The following PTPRD variants were observed in gnomAD, a reference collection of about 807,000 sequenced individuals.
PTPRD encodes the protein protein tyrosine phosphatase receptor type D.
PTPRD carries 34 observed loss-of-function variants against 214.5 expected under a neutral mutation model. That is an observed-to-expected ratio of 0.16 (90% CI 0.12 to 0.21). The LOEUF is 0.21. Ranked by LOEUF, PTPRD falls within the 10% of genes least tolerant of loss-of-function variation. The probability of loss-of-function intolerance (pLI) is 1.00; values close to 1 mark genes in which losing one functional copy is unlikely to be tolerated. For missense variants in PTPRD, 2,545 were observed against 2,398.7 expected, an observed-to-expected ratio of 1.06 and a Z score of -1.27; for synonymous variants, 1,128 against 845.7, an observed-to-expected ratio of 1.33 and a Z score of -5.79.
intron 8 of PTPRD, among the ~76,000 whole-genome samples, chr9:9,503,174 T>C (rs2096473280): frequency 6.6e-6 from 1 of 151,888 alleles, no homozygotes; most frequent in East Asian, 1.9e-4. Context: ...TGTAATTTTC[T>C]CTCAGATACT....
At chr9:9,797,745 G>T (rs570722721) in intron 5 of PTPRD, among the ~76,000 whole-genome samples, 103 of 152,202 alleles carry the variant, frequency 6.8e-4, no homozygotes, top group African/African-American at 1.0e-3. Context: ...ACTCGGGGGG[G>T]GCTGAGGCAG....
At chr9:9,341,293 A>G (rs2046699104) in intron 9 of PTPRD, among the ~76,000 whole-genome samples, 5 of 152,028 alleles carry the variant, frequency 3.3e-5, no homozygotes, top group Admixed American at 3.3e-4. Flanking sequence ...CCCTGAGATG[A>G]ATGTTACTTT....
At chr9:8,900,070 G>C (rs528520003) in intron 11 of PTPRD, among the ~76,000 whole-genome samples, 8 of 151,620 alleles carry the variant, frequency 5.3e-5, no homozygotes, top group Admixed American at 3.9e-4. Flanking sequence ...GCATTGTCAA[G>C]CTGAGTAATG....
intron 3 of PTPRD, among the ~76,000 whole-genome samples, chr9:10,229,446 C>T (rs1400100530): frequency 1.3e-5 from 2 of 152,022 alleles, no homozygotes. Context: ...AGACTTGGAA[C>T]CAACCCAAAT....
chr9:9,364,356 G>C (rs1287588268), intron 9 of PTPRD, among the ~76,000 whole-genome samples: 4 of 151,462 alleles, frequency 2.6e-5, no homozygotes, highest in Non-Finnish European at 4.4e-5. Context: ...CTAATGGAGG[G>C]AGTAAGACAC....
chr9:9,296,754 ATCCT>A (rs1381280508), intron 9 of PTPRD, among the ~76,000 whole-genome samples: 1 of 151,772 alleles, frequency 6.6e-6, no homozygotes, highest in Non-Finnish European at 1.5e-5. Flanking sequence ...TTTTTGTGTT[ATCCT>A]ACTGTTCCCT....
chr9:9,552,393 A>G (rs979285068), intron 8 of PTPRD, among the ~76,000 whole-genome samples: 4 of 152,064 alleles, frequency 2.6e-5, no homozygotes, highest in Non-Finnish European at 5.9e-5. Flanking sequence ...AAAACTTTCA[A>G]ACCTCTAAAA....
intron 8 of PTPRD, among the ~76,000 whole-genome samples, chr9:9,485,878 TG>T (rs1362865515): frequency 6.6e-6 from 1 of 151,778 alleles, no homozygotes; most frequent in East Asian, 1.9e-4. Flanking sequence ...TTGGGCCGGG[TG>T]GGGTGGCTCA....
chr9:8,600,299 C>G (rs988512377), intron 14 of PTPRD, among the ~76,000 whole-genome samples: 1 of 152,188 alleles, frequency 6.6e-6, no homozygotes, highest in Non-Finnish European at 1.5e-5. Context: ...CTGAAGCACT[C>G]TGAGGCCGTA....
At chr9:8,497,374 AT>A in intron 25 of PTPRD, 106 bp from the exon 26 acceptor site, 2 of 916,940 alleles carry the variant, frequency 2.2e-6, no homozygotes, top group Admixed American at 3.6e-5. Flanking sequence ...AATCAAAAAA[AT>A]AAAGCAGTGT....
chr9:8,790,123 C>T (rs933087710), intron 11 of PTPRD, among the ~76,000 whole-genome samples: 10 of 152,022 alleles, frequency 6.6e-5, no homozygotes, highest in Admixed American at 2.0e-4. Flanking sequence ...CTCAAGCAAT[C>T]CTCCCGCCTT....
intron 12 of PTPRD, among the ~76,000 whole-genome samples, chr9:8,688,904 A>T (rs2097749095): frequency 6.6e-6 from 1 of 152,216 alleles, no homozygotes; most frequent in South Asian, 2.1e-4. Flanking sequence ...CACTCTAAAC[A>T]TCTATGCCTG....
chr9:8,463,308 CAAAAAA>C (rs71308864), intron 32 of PTPRD, among the ~76,000 whole-genome samples: 5 of 28,850 alleles, frequency 1.7e-4, no homozygotes, highest in Admixed American at 1.7e-3. Context: ...CAGAGGCAGC[CAAAAAA>C]AAAAAAAAAA....
rs138702416 is a variant in PTPRD at position 10,230,420 on chromosome 9, G to A, written c.-545+110543C>T. Among the ~76,000 whole-genome samples, 5 of 125,868 alleles carry A rather than the reference G, an allele frequency of 4.0e-5. No individual in the cohort carries two copies. The East Asian group carries it at 1.2e-3, about 31-fold the overall frequency. The allele number at this position is 125,868 out of a possible 152,430, so 82.6% of individuals were successfully genotyped here. A position where few individuals can be genotyped will look rare whatever the true frequency, so the allele number is the denominator to read the frequency against. Reference sequence around the variant, plus strand: ...TCTATCTCTCTATGTATCTATCTATGTATCTATGTATCTATGTATCTATCT... The same window carrying A: ...TCTATCTCTCTATGTATCTATCTATATATCTATGTATCTATGTATCTATCT... On this transcript the variant is annotated intron_variant, in intron 3 of 45. Coordinates refer to ENST00000381196, the MANE Select transcript of PTPRD (RefSeq NM_002839.4).
At chr9:9,331,886 C>G (rs1222772938) in intron 9 of PTPRD, among the ~76,000 whole-genome samples, 1 of 151,928 alleles carries the variant, frequency 6.6e-6, no homozygotes, top group African/African-American at 2.4e-5. Flanking sequence ...TTGATATGCC[C>G]AACATAGCAA....
chr9:8,367,146 A>G (rs918255622), intron 39 of PTPRD, among the ~76,000 whole-genome samples: 5 of 152,192 alleles, frequency 3.3e-5, no homozygotes, highest in Non-Finnish European at 4.4e-5. Flanking sequence ...AGTTCTCTGT[A>G]TGCTTTAAAA....
intron 14 of PTPRD, among the ~76,000 whole-genome samples, chr9:8,612,499 G>T (rs2095485539): frequency 6.6e-6 from 1 of 152,294 alleles, no homozygotes; most frequent in East Asian, 1.9e-4. Flanking sequence ...GTTCAATTAA[G>T]GTGTTAGAAG....
intron 14 of PTPRD, among the ~76,000 whole-genome samples, chr9:8,569,123 G>A (rs2090335326): frequency 6.6e-6 from 1 of 151,974 alleles, no homozygotes; most frequent in Non-Finnish European, 1.5e-5. Flanking sequence ...TCAGCCTAGG[G>A]AGTTCATTTT....
chr9:9,177,231 G>T (rs2099925448), intron 10 of PTPRD, among the ~76,000 whole-genome samples: 2 of 151,924 alleles, frequency 1.3e-5, no homozygotes, highest in African/African-American at 2.4e-5. Flanking sequence ...AAAACCATCA[G>T]ATCTCATGAG....
Sources: allele counts gnomAD v4.1 joint callset (sites outside exome capture counted in the v4.1 genomes callset), GRCh38; gene constraint gnomAD v4.1.1; transcripts MANE v1.5; gene names NCBI Gene and HGNC (gene_info 2026-07-23, HGNC 2026-07-21).